The following DRC8 variants were observed in gnomAD, a reference collection of about 807,000 sequenced individuals.
DRC8 encodes the protein dynein regulatory complex subunit 8.
chr1:245,057,530 G>T, the DRC8 span, among the ~76,000 whole-genome samples: 1 of 152,090 alleles, frequency 6.6e-6, no homozygotes, highest in Non-Finnish European at 1.5e-5. Context: ...ATTTCCATTT[G>T]CAGTAGTCAC....
chr1:245,024,850 T>C, the DRC8 span, among the ~76,000 whole-genome samples: 1 of 152,192 alleles, frequency 6.6e-6, no homozygotes, highest in Non-Finnish European at 1.5e-5. Flanking sequence ...AGCCTAATTT[T>C]CATTTTCTAA....
the DRC8 span, among the ~76,000 whole-genome samples, chr1:244,995,224 G>A: frequency 1.3e-5 from 2 of 152,206 alleles, no homozygotes; most frequent in African/African-American, 2.4e-5. Flanking sequence ...AGCCGGGCGT[G>A]GTGGCAGGCG....
the DRC8 span, among the ~76,000 whole-genome samples, chr1:245,007,261 G>C: frequency 1.3e-5 from 2 of 151,970 alleles, no homozygotes; most frequent in African/African-American, 4.8e-5. Flanking sequence ...GGAGGGGTGG[G>C]GAAGGATGGA....
At chr1:245,038,102 T>C in the DRC8 span, among the ~76,000 whole-genome samples, 6 of 152,302 alleles carry the variant, frequency 3.9e-5, no homozygotes, top group East Asian at 1.2e-3. Flanking sequence ...ACCAGATCTT[T>C]TCTGGACCTA....
At chr1:245,075,031 A>G in the DRC8 span, among the ~76,000 whole-genome samples, 4 of 152,152 alleles carry the variant, frequency 2.6e-5, no homozygotes, top group Non-Finnish European at 4.4e-5. Flanking sequence ...AACTACTGAC[A>G]TTATCTTGTT....
At chr1:245,101,345 T>C in the DRC8 span, among the ~76,000 whole-genome samples, 1 of 152,230 alleles carries the variant, frequency 6.6e-6, no homozygotes, top group African/African-American at 2.4e-5. Context: ...ATATAATTAA[T>C]GTATTTGTCT....
the DRC8 span, among the ~76,000 whole-genome samples, chr1:244,993,520 C>T: frequency 2.0e-5 from 3 of 152,186 alleles, no homozygotes; most frequent in South Asian, 2.1e-4. Flanking sequence ...ATGTTACTTG[C>T]CCCTTACCAC....
chr1:245,083,674 A>G, the DRC8 span: 5 of 1,609,970 alleles, frequency 3.1e-6, no homozygotes, highest in Non-Finnish European at 4.2e-6. Context: ...CTGATCAAGT[A>G]TATGACTGAA....
the DRC8 span, among the ~76,000 whole-genome samples, chr1:245,115,119 C>T: frequency 2.9e-4 from 44 of 152,170 alleles, 1 homozygote; most frequent in African/African-American, 8.7e-4. Flanking sequence ...GGCACGATCT[C>T]GGCTCATGCA....
At chr1:245,027,076 A>T in the DRC8 span, among the ~76,000 whole-genome samples, 4 of 152,230 alleles carry the variant, frequency 2.6e-5, no homozygotes, top group Admixed American at 2.6e-4. Flanking sequence ...ACAACTACAC[A>T]TAAAAATAAA....
chr1:245,012,641 G>T, the DRC8 span, among the ~76,000 whole-genome samples: 1 of 151,940 alleles, frequency 6.6e-6, no homozygotes, highest in Non-Finnish European at 1.5e-5. Flanking sequence ...CTTCTTGGAG[G>T]ATTGTGTGTG....
chr1:244,982,834 G>A, the DRC8 span, among the ~76,000 whole-genome samples: 6 of 152,004 alleles, frequency 3.9e-5, no homozygotes, highest in Admixed American at 6.6e-5. Flanking sequence ...AGGCTGAGGC[G>A]GGTGGATCAC....
At chr1:245,111,081 T>G in the DRC8 span, among the ~76,000 whole-genome samples, 5 of 152,230 alleles carry the variant, frequency 3.3e-5, no homozygotes, top group Non-Finnish European at 7.3e-5. Context: ...CTGAACCTGC[T>G]AATAAATTTA....
the DRC8 span, chr1:245,122,018 C>T: frequency 1.7e-5 from 6 of 356,766 alleles, no homozygotes; most frequent in African/African-American, 1.3e-4. Context: ...CCTGCCTCAG[C>T]CTCCTGAGCA....
At chr1:245,024,480 A>AT in the DRC8 span, among the ~76,000 whole-genome samples, 1 of 150,768 alleles carries the variant, frequency 6.6e-6, no homozygotes. Flanking sequence ...AAGCATTGGG[A>AT]TTTTTTCCCA....
the DRC8 span, among the ~76,000 whole-genome samples, chr1:244,983,505 T>G: frequency 6.6e-6 from 1 of 152,026 alleles, no homozygotes; most frequent in Non-Finnish European, 1.5e-5. Context: ...TTTGGGAGGC[T>G]GAGGTGGGCG....
At chr1:245,117,137 C>T in the DRC8 span, among the ~76,000 whole-genome samples, 1 of 152,182 alleles carries the variant, frequency 6.6e-6, no homozygotes, top group Admixed American at 6.5e-5. Flanking sequence ...ACTGCAACCT[C>T]TGCTTCCCGG....
chr1:245,051,679 TAGAATAGAGTGGCG>T, the DRC8 span, among the ~76,000 whole-genome samples: 1 of 152,164 alleles, frequency 6.6e-6, no homozygotes, highest in East Asian at 1.9e-4. Flanking sequence ...AGCCGGGAAA[TAGAATAGAGTGGCG>T]AAGCACCTAT....
chr1:245,067,505 ATCATTT>A, the DRC8 span, among the ~76,000 whole-genome samples: 14 of 152,318 alleles, frequency 9.2e-5, no homozygotes, highest in East Asian at 2.7e-3. Context: ...ACACTAGTGA[ATCATTT>A]CCTACACTTT....
Sources: allele counts gnomAD v4.1 joint callset (sites outside exome capture counted in the v4.1 genomes callset), GRCh38; gene constraint gnomAD v4.1.1; transcripts MANE v1.5; gene names NCBI Gene and HGNC (gene_info 2026-07-23, HGNC 2026-07-21).